The following IL1R2 variants were observed in gnomAD, a reference collection of about 807,000 sequenced individuals.
IL1R2 encodes interleukin 1 receptor type 2.
A neutral mutation model predicts 39.5 loss-of-function variants in IL1R2; 46 were observed. That is an observed-to-expected ratio of 1.16 (90% CI 0.92 to 1.49). IL1R2 has a LOEUF of 1.49. Among genes scored for constraint, IL1R2 ranks in the 40% most tolerant of loss-of-function variants. The probability of loss-of-function intolerance (pLI) is 0.00; values close to 1 mark genes in which losing one functional copy is unlikely to be tolerated. For synonymous variants in IL1R2, 207 were observed against 189.6 expected (o/e 1.09, Z -0.75); for missense variants, 537 against 502.0 (o/e 1.07, Z -0.67).
chr2:102,020,570 A>C (rs1677315657), intron 5 of IL1R2, among the ~76,000 whole-genome samples: 3 of 152,160 alleles, frequency 2.0e-5, no homozygotes, highest in African/African-American at 4.8e-5. Context: ...AGTTTAAATA[A>C]TTGGTCTATA....
rs980819488 is a variant in IL1R2, at chr2:102,026,216, C to G, written c.993C>G (p.Thr331=). 67 of 1,612,904 alleles carry G rather than the reference C, an allele frequency of 4.2e-5. No homozygotes were observed. Among genetic ancestry groups the G allele is most frequent in the Non-Finnish European group, 5.7e-5 (67 of 1,179,552 alleles). Residue 331 remains threonine (T), a synonymous_variant, in exon 8 of 9, where the codon ACC becomes ACG. Transcript: ENST00000332549. The part of the protein sequence containing the change: ...HMDFKCVVHN[T]LSFQTLRTTV... ...ATTTTAAATGTGTTGTCCATAATAC[C>G]CTGAGTTTTCAGACACTACGCACCA...
At position 102,019,644 on chromosome 2, in the gene IL1R2, C is replaced by T. The variant is rs1677231661; in HGVS notation, c.520C>T (p.Leu174Phe). Reference protein sequence around the residue: ...DVKIQWYKDSLLLDKDNEKFL... With the variant: ...DVKIQWYKDSFLLDKDNEKFL... Reference sequence around the variant, plus strand: ...AAAAACATTTTCCCTTAAGGATTCTCTTCTTTTGGATAAAGACAATGAGAA... The same window carrying T: ...AAAAACATTTTCCCTTAAGGATTCTTTTCTTTTGGATAAAGACAATGAGAA... Residue 174 changes from leucine to phenylalanine, a missense_variant, in exon 5 of 9, where the codon CTT (leucine) becomes TTT (phenylalanine). Physicochemically the swap from Leu to Phe is conservative, Grantham distance 22. Transcript: ENST00000332549. 6.2e-7 allele frequency: 1 copy of T among 1,609,974 alleles called. No homozygotes were observed. Among genetic ancestry groups the T allele is most frequent in the Non-Finnish European group, 8.5e-7 (1 of 1,177,370 alleles).
At chr2:102,017,417 AC>A (rs1183724608) in intron 4 of IL1R2, among the ~76,000 whole-genome samples, 9 of 151,296 alleles carry the variant, frequency 5.9e-5, no homozygotes, top group Non-Finnish European at 1.3e-4. Context: ...AAAAAAAAGC[AC>A]ATGATAGCAA....
intron 1 of IL1R2, among the ~76,000 whole-genome samples, chr2:101,993,752 C>T (rs1675455618): frequency 6.6e-6 from 1 of 152,156 alleles, no homozygotes; most frequent in South Asian, 2.1e-4. Context: ...GGGGCCTTTG[C>T]TCTTCTTAGA....
chr2:102,026,842 C>T (rs574311658), intron 8 of IL1R2, among the ~76,000 whole-genome samples: 52 of 152,292 alleles, frequency 3.4e-4, no homozygotes, highest in African/African-American at 1.2e-3. Context: ...GGAGAGCTGC[C>T]TTGAATGTAG....
At chr2:102,014,977 TC>T (rs745558622) in intron 3 of IL1R2, among the ~76,000 whole-genome samples, 1 of 106,544 alleles carries the variant, frequency 9.4e-6, no homozygotes, top group African/African-American at 4.1e-5. Flanking sequence ...ATAATAATAA[TC>T]ATATAATAAT....
intron 1 of IL1R2, among the ~76,000 whole-genome samples, chr2:102,007,188 A>T (rs1676321435): frequency 6.6e-6 from 1 of 152,154 alleles, no homozygotes; most frequent in African/African-American, 2.4e-5. Context: ...TGATAGTGTG[A>T]GAAGGTCATC....
At position 102,025,868 on chromosome 2, in the gene IL1R2, G is replaced by C. The variant is rs73943937; in HGVS notation, c.888-243G>C. On this transcript the variant is annotated intron_variant, in intron 7 of 8. Transcript: ENST00000332549. ...AACTTCCCCATTATCTAACCCTGTA[G>C]TGTAACAACTGTTTGATGCCAGTGA... 9.7e-3 allele frequency among the ~76,000 whole-genome samples: 1,479 copies of C among 152,236 alleles called. 23 individuals carry two copies. The highest frequency in any genetic ancestry group is 0.034 in the African/African-American group (1,401 of 41,526).
Position 102,028,421 on chromosome 2 carries a change from A to C in IL1R2, c.*29A>C, listed in dbSNP as rs774994141. ...AAATGGAATGAAATAATTCAAACAC[A>C]AACTCCGTACGTCTTCTCTTATGGA... On this transcript the variant is annotated 3_prime_UTR_variant, in exon 9 of 9. Coordinates refer to ENST00000332549, the MANE Select transcript of IL1R2 (RefSeq NM_004633.4). 76 of 1,544,872 alleles carry C rather than the reference A, an allele frequency of 4.9e-5. No individual in the cohort carries two copies. The highest frequency in any genetic ancestry group is 6.3e-5 in the Non-Finnish European group (71 of 1,135,382).
chr2:102,008,610 C>G lies in IL1R2; in HGVS notation c.35C>G (p.Ser12Cys). Residue 12 changes from serine to cysteine, a missense_variant, in exon 2 of 9, where the codon TCT (serine) becomes TGT (cysteine). Coordinates refer to ENST00000332549, the MANE Select transcript of IL1R2 (RefSeq NM_004633.4). ...TTGTACGTGTTGGTAATGGGAGTTT[C>G]TGCCTTCACCCTTCAGCCTGCGGCA... ...LRLYVLVMGV[S>C]AFTLQPAAHT... The G allele has an allele frequency of 6.2e-7, 1 of 1,614,136 alleles. No individual in the cohort carries two copies. The highest frequency in any genetic ancestry group is 8.5e-7 in the Non-Finnish European group (1 of 1,180,010).
intron 1 of IL1R2, among the ~76,000 whole-genome samples, chr2:102,002,711 T>C (rs1435694946): frequency 2.7e-5 from 4 of 150,844 alleles, no homozygotes; most frequent in African/African-American, 5.0e-5. Context: ...TAGGTCTATG[T>C]CTATGTCTAT....
intron 1 of IL1R2, among the ~76,000 whole-genome samples, chr2:101,994,131 G>A (rs1258328814): frequency 6.6e-6 from 1 of 152,168 alleles, no homozygotes; most frequent in Non-Finnish European, 1.5e-5. Context: ...TACCCTAAAA[G>A]GCAAGAAGGA....
intron 6 of IL1R2, among the ~76,000 whole-genome samples, chr2:102,024,054 C>CAAAAA (rs1240919599): frequency 1.4e-5 from 2 of 144,118 alleles, no homozygotes; most frequent in African/African-American, 5.4e-5. Flanking sequence ...ATCTCAAAAA[C>CAAAAA]AAAACAAAAC....
chr2:102,013,031 C>T (rs1676735322), intron 3 of IL1R2, among the ~76,000 whole-genome samples: 1 of 152,088 alleles, frequency 6.6e-6, no homozygotes, highest in Non-Finnish European at 1.5e-5. Flanking sequence ...GGTAGGTGGT[C>T]AATATATACA....
intron 1 of IL1R2, among the ~76,000 whole-genome samples, chr2:102,002,379 A>T (rs113798170): frequency 0.013 from 967 of 76,650 alleles, 11 homozygotes; most frequent in African/African-American, 0.059. Context: ...TGTATGTCTA[A>T]GTCTAGGTCT....
At position 102,022,202 on chromosome 2, in the gene IL1R2, C is replaced by G. The variant is rs754295491; in HGVS notation, c.704C>G (p.Thr235Ser). 1 of 1,613,472 alleles carries G rather than the reference C, an allele frequency of 6.2e-7. No homozygotes were observed. Among genetic ancestry groups the G allele is most frequent in the Non-Finnish European group, 8.5e-7 (1 of 1,179,404 alleles). ...TCTTTCTCAGAAAAAAAAGAAGAGA[C>G]CATTCCTGTGATCATTTCCCCCCTC... ...ELRIKKKKEETIPVIISPLKT... is the reference protein window; with the variant it reads ...ELRIKKKKEESIPVIISPLKT... The change falls in exon 6 of 9, where the codon ACC (threonine) becomes AGC (serine). Residue 235 changes from threonine to serine, a missense_variant. Physicochemically the swap from Thr to Ser is moderately conservative, Grantham distance 58. Transcript: ENST00000332549.
intron 4 of IL1R2, among the ~76,000 whole-genome samples, chr2:102,018,023 T>G (rs935844937): frequency 1.3e-5 from 2 of 152,254 alleles, no homozygotes; most frequent in African/African-American, 4.8e-5. Context: ...TTAGAAACTT[T>G]GAAATGATTT....
In IL1R2 at chr2:102,009,981, C is replaced by A; in HGVS notation, c.332+155C>A. On this transcript the variant is annotated intron_variant, in intron 3 of 8. Transcript: ENST00000332549. ...CGTTTGCTGTTCCTGACACCCCCCC[C>A]AACCCTACAGTCTCATTCTGTCTCC... is the stretch of plus-strand genomic sequence containing the variant. 3.7e-6 allele frequency: 3 copies of A among 804,360 alleles called. No individual in the cohort carries two copies. In the South Asian group the frequency reaches 5.2e-5, roughly 14 times the overall value. 49.8% of individuals were successfully genotyped at this position (804,360 alleles called of 1,614,324 possible).
rs1264466024 is a variant in IL1R2, at chr2:102,026,152, T to G, written c.929T>G (p.Leu310Trp). The G allele has an allele frequency of 1.2e-6, 2 of 1,610,666 alleles. No homozygotes were observed. The highest frequency in any genetic ancestry group is 1.7e-6 in the Non-Finnish European group (2 of 1,177,302). Residue 310 changes from leucine (L) to tryptophan (W), a missense_variant, in exon 8 of 9, where the codon TTG becomes TGG. Leu to Trp is a moderately conservative substitution (Grantham distance 61, BLOSUM62 -2). Transcript: ENST00000332549. The stretch of plus-strand genomic sequence containing the variant: ...AATGAGAACTACATTGAAGTGCCAT[T>G]GATTTTTGATCCTGTCACAAGAGAG... ...ENNENYIEVP[L>W]IFDPVTREDL...
Sources: gnomAD v4.1 joint callset for allele counts (sites outside exome capture counted in the v4.1 genomes callset) on GRCh38, gnomAD v4.1.1 for gene constraint, MANE v1.5 for transcripts, NCBI Gene and HGNC (gene_info 2026-07-23, HGNC 2026-07-21) for gene names.